TANC2: variants seen among roughly 807,000 people sequenced by gnomAD.
TANC2 encodes the protein protein TANC2.
In TANC2, 26 loss-of-function variants were observed where a neutral mutation model predicts 210.5. The ratio of observed to expected loss-of-function variants is 0.12; its 90% CI spans 0.09 to 0.17. The LOEUF (loss-of-function observed/expected upper bound fraction) is 0.17, where lower values mean the gene tolerates loss of function less well. Ranked by LOEUF, TANC2 falls within the 10% of genes least tolerant of loss-of-function variation. The pLI is 1.00. For synonymous variants in TANC2, 931 were observed against 967.1 expected, an observed-to-expected ratio of 0.96 and a Z score of 0.69; for missense variants, 2,129 against 2,608.9, an observed-to-expected ratio of 0.82 and a Z score of 4.01.
chr17:63,063,898 G>T (rs1023604780), intron 2 of TANC2, among the ~76,000 whole-genome samples: 1 of 152,076 alleles, frequency 6.6e-6, no homozygotes. Flanking sequence ...TAACTAAGGT[G>T]TCTTCCATCA....
intron 1 of TANC2, chr17:62,967,505 GGAA>G (rs1168964344): frequency 3.3e-5 from 5 of 152,192 alleles, no homozygotes; most frequent in African/African-American, 9.7e-5. Flanking sequence ...ATTAACATTA[GGAA>G]GAAGATTTGG....
chr17:63,173,737 A>G (rs1467350237), intron 5 of TANC2, among the ~76,000 whole-genome samples: 5 of 152,178 alleles, frequency 3.3e-5, no homozygotes, highest in African/African-American at 4.8e-5. Flanking sequence ...TCTTCACTTC[A>G]TGCCCTTTTC....
chr17:63,188,891 A>G (rs991020570), intron 5 of TANC2, among the ~76,000 whole-genome samples: 5 of 150,956 alleles, frequency 3.3e-5, no homozygotes, highest in Non-Finnish European at 3.0e-5. Context: ...GAGCATTTTT[A>G]TCACCCCCCC....
Position 63,420,171 on chromosome 17 carries a change from C to T in TANC2, c.4441C>T (p.Pro1481Ser). The T allele has an allele frequency of 6.4e-7, 1 of 1,572,714 alleles. No individual in the cohort carries two copies. The highest frequency in any genetic ancestry group is 8.6e-7 in the Non-Finnish European group (1 of 1,158,308). ...GCAGCAGTTGCCGGAAGAAGCAGAA[C>T]CTGAGCCACAGCATGAAGACATATA... The change falls in exon 28 of 28, where the codon CCT becomes TCT. Residue 1481 changes from proline (P) to serine (S), a missense_variant. Pro to Ser is a moderately conservative substitution (Grantham distance 74). This residue lies in a region of TANC2 where 584 missense variants were observed against 627.3 expected (regional missense o/e 0.93). Coordinates refer to ENST00000689528, the Ensembl canonical transcript of TANC2. This position sits in a 1 kb window ranked among gnomAD's most constrained non-coding sequence, Gnocchi z 4.2.
intron 14 of TANC2, among the ~76,000 whole-genome samples, 177 bp from the exon 15 acceptor site, chr17:63,379,541 C>G (rs1291773335): frequency 6.6e-6 from 1 of 152,082 alleles, no homozygotes; most frequent in African/African-American, 2.4e-5. Context: ...TGGTGGCAGG[C>G]GCCTGTAATC....
intron 1 of TANC2, among the ~76,000 whole-genome samples, chr17:62,977,266 T>C (rs978004664): frequency 1.3e-5 from 2 of 152,236 alleles, no homozygotes; most frequent in Non-Finnish European, 2.9e-5. Context: ...GTATCTTTAG[T>C]ATAATTATTG....
chr17:63,141,708 C>T (rs1326703320), intron 4 of TANC2, among the ~76,000 whole-genome samples: 1 of 152,006 alleles, frequency 6.6e-6, no homozygotes, highest in Non-Finnish European at 1.5e-5. Flanking sequence ...AATAGGCCAT[C>T]TATAAGACCC....
intron 3 of TANC2, among the ~76,000 whole-genome samples, chr17:63,081,778 G>T (rs1295536189): frequency 6.6e-6 from 1 of 152,152 alleles, no homozygotes; most frequent in Admixed American, 6.5e-5. Flanking sequence ...TTTAGCTTAT[G>T]ATAATTGGCC....
intron 2 of TANC2, among the ~76,000 whole-genome samples, chr17:63,046,368 T>A (rs1335717809): frequency 7.3e-6 from 1 of 136,648 alleles, no homozygotes; most frequent in Non-Finnish European, 1.6e-5. Flanking sequence ...GTTTCACTCT[T>A]GTTGCCCAGG....
intron 11 of TANC2, chr17:63,334,143 G>A (rs2045948631): frequency 1.3e-5 from 2 of 152,140 alleles, no homozygotes; most frequent in Admixed American, 6.5e-5. Context: ...CAAAAACAAT[G>A]ACACATCAAT....
intron 1 of TANC2, chr17:62,967,276 G>A (rs2031402992): frequency 6.6e-6 from 1 of 152,182 alleles, no homozygotes; most frequent in South Asian, 2.1e-4. Context: ...AGGAAATCGG[G>A]AGGAGCTATG....
chr17:63,418,130 G>A lies in TANC2; in HGVS notation c.4168-177G>A, dbSNP rs1274970784. 2.6e-5 allele frequency among the ~76,000 whole-genome samples: 4 copies of A among 152,238 alleles called. No individual in the cohort carries two copies. The highest frequency in any genetic ancestry group is 4.4e-5 in the Non-Finnish European group (3 of 68,038). ...CAGTCGCAGCGCTACACAGGACAAA[G>A]GCAGAAGGAACTTTCAGTCCACAGG... On this transcript the variant is annotated intron_variant, in intron 26 of 27. Coordinates refer to ENST00000689528, the Ensembl canonical transcript of TANC2. This position sits in a 1 kb window ranked among gnomAD's most constrained non-coding sequence, Gnocchi z 4.6.
chr17:63,150,178 CTT>C (rs891754378), intron 4 of TANC2: 8 of 152,242 alleles, frequency 5.3e-5, no homozygotes, highest in African/African-American at 1.9e-4. Flanking sequence ...CATGCAGAAA[CTT>C]TTGAGAAAAG....
At position 63,086,878 on chromosome 17, in the gene TANC2, A is replaced by G. The variant is rs1360677641; in HGVS notation, c.140-12297A>G. Among the ~76,000 whole-genome samples, 6 of 152,312 alleles carry G rather than the reference A, an allele frequency of 3.9e-5. No individual in the cohort carries two copies. The East Asian group carries it at 9.6e-4, about 24-fold the overall frequency. On this transcript the variant is annotated intron_variant, in intron 3 of 27. Coordinates refer to ENST00000689528, the Ensembl canonical transcript of TANC2. ...AGCTAGAGGTTTGTAAAATGCACCA[A>G]TCAGCATTCTATAAAATGGACCAAT...
chr17:63,144,585 A>G (rs1405162112), intron 4 of TANC2, among the ~76,000 whole-genome samples: 4 of 152,204 alleles, frequency 2.6e-5, no homozygotes, highest in Non-Finnish European at 5.9e-5. Flanking sequence ...CAGTTTTTAT[A>G]TGAAATTTGG....
At chr17:63,364,691 G>C (rs1436105065) in intron 14 of TANC2, among the ~76,000 whole-genome samples, 2 of 152,064 alleles carry the variant, frequency 1.3e-5, no homozygotes, top group Non-Finnish European at 2.9e-5. Context: ...GAAAGCCAAG[G>C]TGGGAGAATC....
At chr17:63,112,950 T>C (rs2038109072) in intron 4 of TANC2, among the ~76,000 whole-genome samples, 1 of 152,146 alleles carries the variant, frequency 6.6e-6, no homozygotes, top group Non-Finnish European at 1.5e-5. Flanking sequence ...CCATGGTCCC[T>C]AGGAAGTCTA....
intron 7 of TANC2, among the ~76,000 whole-genome samples, chr17:63,207,196 A>G (rs1388592164): frequency 1.4e-5 from 2 of 138,630 alleles, no homozygotes; most frequent in African/African-American, 2.7e-5. Context: ...ATTTATGCAA[A>G]TTTCTTTTTT....
chr17:63,194,046 A>G, exon 6 of TANC2: 1 of 1,613,256 alleles, frequency 6.2e-7, no homozygotes, highest in African/African-American at 1.3e-5. Flanking sequence ...CAGCAAACAC[A>G]CTCATGACTC....
Sources: allele counts gnomAD v4.1 joint callset (sites outside exome capture counted in the v4.1 genomes callset), GRCh38; gene constraint gnomAD v4.1.1; regional missense constraint gnomAD v4.1.1; non-coding constraint Gnocchi (gnomAD v3.1); transcripts MANE v1.5; gene names NCBI Gene and HGNC (gene_info 2026-07-23, HGNC 2026-07-21).